The following MYO5B variants were observed in gnomAD, a reference collection of about 807,000 sequenced individuals.
MYO5B encodes the protein myosin VB.
In MYO5B, 143 loss-of-function variants were observed where a neutral mutation model predicts 229.3. The observed-to-expected ratio is 0.62, with a 90% CI of 0.54 to 0.72. The LOEUF is 0.72. Among genes scored for constraint, MYO5B ranks in the 30% least tolerant of loss-of-function variants. The pLI is 0.00. For synonymous variants in MYO5B, 918 were observed against 885.2 expected, an observed-to-expected ratio of 1.04 and a Z score of -0.66; for missense variants, 2,321 against 2,331.0, an observed-to-expected ratio of 1.00 and a Z score of 0.09.
intron 17 of MYO5B, among the ~76,000 whole-genome samples, chr18:49,919,697 C>T (rs147295336): frequency 3.3e-5 from 5 of 152,260 alleles, no homozygotes; most frequent in African/African-American, 7.2e-5. Context: ...TGCATAGAAA[C>T]GGGAACCCTC....
At chr18:50,067,693 A>G (rs1308513775) in intron 1 of MYO5B, among the ~76,000 whole-genome samples, 1 of 152,052 alleles carries the variant, frequency 6.6e-6, no homozygotes, top group East Asian at 1.9e-4. Context: ...TTGCCATGTG[A>G]TCTCCACAAA....
At chr18:49,973,485 T>C (rs1421644833) in intron 10 of MYO5B, among the ~76,000 whole-genome samples, 2 of 152,214 alleles carry the variant, frequency 1.3e-5, no homozygotes, top group African/African-American at 4.8e-5. Context: ...ATTTCTATTT[T>C]AAGATGCCAT....
intron 27 of MYO5B, chr18:49,871,670 CAG>C (rs1568619229): frequency 9.3e-6 from 2 of 214,486 alleles, no homozygotes; most frequent in African/African-American, 4.5e-5. Context: ...ACCAACCAGC[CAG>C]AGTTATTTGT....
At chr18:50,043,305 T>TA (rs1344128210) in intron 2 of MYO5B, among the ~76,000 whole-genome samples, 9 of 98,982 alleles carry the variant, frequency 9.1e-5, no homozygotes, top group Non-Finnish European at 1.7e-4. Context: ...ATATAATATA[T>TA]AATATAAATA....
chr18:50,083,111 C>G (rs968806791), intron 1 of MYO5B, among the ~76,000 whole-genome samples: 2 of 152,184 alleles, frequency 1.3e-5, no homozygotes, highest in Non-Finnish European at 2.9e-5. Context: ...TTACTTACTA[C>G]TATCAGTTTA....
At chr18:50,046,369 T>C (rs1167607852) in intron 2 of MYO5B, among the ~76,000 whole-genome samples, 1 of 152,224 alleles carries the variant, frequency 6.6e-6, no homozygotes, top group Non-Finnish European at 1.5e-5. Flanking sequence ...ACAGCCAAAG[T>C]TGAGAAAAAC....
chr18:49,897,053 T>A (rs562624452), intron 21 of MYO5B, among the ~76,000 whole-genome samples: 2 of 152,086 alleles, frequency 1.3e-5, no homozygotes, highest in African/African-American at 2.4e-5. Flanking sequence ...CCCTGGAGAG[T>A]TGCCCGAGTC....
chr18:50,131,598 A>G (rs2032255367), intron 1 of MYO5B, among the ~76,000 whole-genome samples: 1 of 152,198 alleles, frequency 6.6e-6, no homozygotes, highest in African/African-American at 2.4e-5. Flanking sequence ...CTAAATTATC[A>G]TCATAAGTAT....
At chr18:49,906,901 C>A (rs910169525) in intron 18 of MYO5B, among the ~76,000 whole-genome samples, 1 of 152,046 alleles carries the variant, frequency 6.6e-6, no homozygotes, top group Admixed American at 6.6e-5. Flanking sequence ...AGATGCTTTC[C>A]GTTTTCAGAG....
At chr18:50,065,164 A>ACTC (rs2030787949) in intron 1 of MYO5B, among the ~76,000 whole-genome samples, 2 of 151,916 alleles carry the variant, frequency 1.3e-5, no homozygotes, top group African/African-American at 4.8e-5. Context: ...TAAACATTCA[A>ACTC]CTCCTATATG....
At chr18:49,901,784 T>G (rs1169441982) in intron 21 of MYO5B, among the ~76,000 whole-genome samples, 1 of 152,222 alleles carries the variant, frequency 6.6e-6, no homozygotes, top group Non-Finnish European at 1.5e-5. Context: ...GCCAGACAGC[T>G]GGGGTTCAAA....
chr18:49,872,593 G>A (rs1057444904), intron 26 of MYO5B, among the ~76,000 whole-genome samples: 1 of 152,182 alleles, frequency 6.6e-6, no homozygotes, highest in African/African-American at 2.4e-5. Flanking sequence ...TGCAAATAGG[G>A]TCTTTGCAGA....
intron 14 of MYO5B, among the ~76,000 whole-genome samples, chr18:49,938,238 G>T (rs1274203263): frequency 6.6e-6 from 1 of 152,126 alleles, no homozygotes; most frequent in East Asian, 1.9e-4. Context: ...GTTATATGGG[G>T]TTGTTATGAA....
intron 2 of MYO5B, among the ~76,000 whole-genome samples, chr18:50,053,626 G>A (rs1334312234): frequency 6.6e-6 from 1 of 151,586 alleles, no homozygotes; most frequent in Non-Finnish European, 1.5e-5. Flanking sequence ...GAGGTGGCTA[G>A]CGAAAGCTGC....
At chr18:50,034,437 C>G (rs945103457) in intron 4 of MYO5B, among the ~76,000 whole-genome samples, 1 of 152,210 alleles carries the variant, frequency 6.6e-6, no homozygotes, top group African/African-American at 2.4e-5. Flanking sequence ...CTGCTGACAA[C>G]AGAAGTAATT....
intron 12 of MYO5B, 115 bp downstream of exon 12, chr18:49,962,151 C>T: frequency 1.4e-6 from 2 of 1,393,364 alleles, no homozygotes; most frequent in Non-Finnish European, 2.0e-6. Context: ...ACGCTTCTTC[C>T]AGCACACTGA....
At chr18:49,883,047 C>T (rs1371570070) in intron 22 of MYO5B, among the ~76,000 whole-genome samples, 5 of 152,204 alleles carry the variant, frequency 3.3e-5, no homozygotes, top group Admixed American at 1.3e-4. Context: ...TGAACATCCT[C>T]AACCTGATAA....
At position 49,962,176 on chromosome 18, in the gene MYO5B, C is replaced by G; in HGVS notation, c.1545+90G>C. The G allele has an allele frequency of 1.9e-6, 3 of 1,555,824 alleles. No individual in the cohort carries two copies. In the South Asian group the frequency reaches 3.3e-5, roughly 17 times the overall value. On this transcript the variant is annotated intron_variant, in intron 12 of 39. Coordinates refer to ENST00000285039, the MANE Select transcript of MYO5B (RefSeq NM_001080467.3). ...CAGCACACTGAAGGCCAGCTGATCA[C>G]AGATGAAATTCCACCTTTGAGATCT...
Position 49,882,488 on chromosome 18 carries a change from C to T in MYO5B, c.3046-2033G>A, listed in dbSNP as rs180998750. Reference sequence around the variant, plus strand: ...ACTAAAAATACAAAAATTAGTTGGGCGTGGTGGTGCGTGCCTGTAATCCCA... The same window carrying T: ...ACTAAAAATACAAAAATTAGTTGGGTGTGGTGGTGCGTGCCTGTAATCCCA... On this transcript the variant is annotated intron_variant, in intron 22 of 39. Coordinates refer to ENST00000285039, the MANE Select transcript of MYO5B (RefSeq NM_001080467.3). Among the ~76,000 whole-genome samples, 9 of 151,756 alleles carry T rather than the reference C, an allele frequency of 5.9e-5. No individual in the cohort carries two copies. In the South Asian group the frequency reaches 1.0e-3, roughly 18 times the overall value.
Sources: gnomAD v4.1 joint callset for allele counts (sites outside exome capture counted in the v4.1 genomes callset) on GRCh38, gnomAD v4.1.1 for gene constraint, MANE v1.5 for transcripts, NCBI Gene and HGNC (gene_info 2026-07-23, HGNC 2026-07-21) for gene names.